CSMD1: variants seen among roughly 807,000 people sequenced by gnomAD.
The protein encoded by CSMD1 is CUB and Sushi multiple domains 1.
A neutral mutation model predicts 417.5 loss-of-function variants in CSMD1; 213 were observed. That is an observed-to-expected ratio of 0.51 (90% CI 0.46 to 0.57). The LOEUF is 0.57. CSMD1 is among the 20% of genes least tolerant of loss of function. The probability of loss-of-function intolerance (pLI) is 0.00; values close to 1 mark genes in which losing one functional copy is unlikely to be tolerated. For missense variants in CSMD1, 6,923 were observed against 4,529.7 expected, an observed-to-expected ratio of 1.53 and a Z score of -15.17; for synonymous variants, 2,862 against 1,736.8, an observed-to-expected ratio of 1.65 and a Z score of -16.11.
chr8:4,067,847 G>C (rs7017832), intron 3 of CSMD1, among the ~76,000 whole-genome samples: 35,089 of 152,066 alleles, frequency 0.23, 4,626 homozygotes, highest in South Asian at 0.29. Flanking sequence ...GGGAGGCCGA[G>C]GTGGGCGGAT....
chr8:4,930,865 G>C (rs1807201225), intron 1 of CSMD1, among the ~76,000 whole-genome samples: 1 of 152,114 alleles, frequency 6.6e-6, no homozygotes, highest in Non-Finnish European at 1.5e-5. Flanking sequence ...TCTTAATAAA[G>C]GGTTCCCAGA....
chr8:4,443,079 T>C (rs933722987), intron 2 of CSMD1, among the ~76,000 whole-genome samples: 3 of 152,204 alleles, frequency 2.0e-5, no homozygotes, highest in Non-Finnish European at 4.4e-5. Context: ...TCAGAGGTGG[T>C]ATCTGCCTTT....
At chr8:4,446,897 A>G (rs1335357936) in intron 2 of CSMD1, among the ~76,000 whole-genome samples, 1 of 151,634 alleles carries the variant, frequency 6.6e-6, no homozygotes, top group African/African-American at 2.4e-5. Context: ...CTGGGATTAC[A>G]GGCGTGAGCC....
intron 3 of CSMD1, among the ~76,000 whole-genome samples, chr8:4,353,760 C>A (rs997538204): frequency 2.6e-5 from 4 of 151,946 alleles, no homozygotes; most frequent in African/African-American, 9.7e-5. Context: ...TTTTTTTGCC[C>A]TTCACACATT....
chr8:3,791,635 T>A (rs1799746562), intron 5 of CSMD1, among the ~76,000 whole-genome samples: 1 of 152,100 alleles, frequency 6.6e-6, no homozygotes, highest in Non-Finnish European at 1.5e-5. Flanking sequence ...ACCAGCCTGG[T>A]CAGCATGGCA....
At chr8:3,647,257 G>T (rs564943152) in intron 7 of CSMD1, among the ~76,000 whole-genome samples, 1 of 152,216 alleles carries the variant, frequency 6.6e-6, no homozygotes. Context: ...TAACAACTCA[G>T]ATAAAAGGAG....
intron 26 of CSMD1, among the ~76,000 whole-genome samples, chr8:3,248,534 T>TTG (rs1800039448): frequency 7.2e-6 from 1 of 138,630 alleles, no homozygotes; most frequent in South Asian, 2.5e-4. Flanking sequence ...TTTTTTTTTT[T>TTG]TTTTTTTTTT....
rs536736438 is a variant in CSMD1, at chr8:3,326,649, C to T, written c.3631+16645G>A. On this transcript the variant is annotated intron_variant, in intron 23 of 69. Transcript: ENST00000635120. ...ATTCCCAGAGATGGGGATGTCTTCC[C>T]TCCTTGTAAAATGCCCACCTTGTTT... Among the ~76,000 whole-genome samples, 6 of 152,286 alleles carry T rather than the reference C, an allele frequency of 3.9e-5. No individual in the cohort carries two copies. In the East Asian group the frequency reaches 7.7e-4, roughly 20 times the overall value.
intron 3 of CSMD1, among the ~76,000 whole-genome samples, chr8:4,356,761 G>C (rs1801455459): frequency 2.0e-5 from 3 of 152,100 alleles, no homozygotes; most frequent in South Asian, 4.1e-4. Flanking sequence ...TGAATGACTG[G>C]AACCGAGTTC....
At chr8:3,980,935 C>A (rs1813814878) in intron 5 of CSMD1, among the ~76,000 whole-genome samples, 1 of 152,136 alleles carries the variant, frequency 6.6e-6, no homozygotes, top group African/African-American at 2.4e-5. Context: ...TCCCGCCGTT[C>A]CCAGTGGTTT....
intron 5 of CSMD1, among the ~76,000 whole-genome samples, chr8:3,996,903 A>C (rs1158608216): frequency 2.0e-5 from 3 of 152,210 alleles, no homozygotes; most frequent in Non-Finnish European, 4.4e-5. Flanking sequence ...ACAGGTGCTC[A>C]TATTTACAAT....
At chr8:3,439,309 A>ATATATATATATATATATATATATTTTT in intron 12 of CSMD1, among the ~76,000 whole-genome samples, 6 of 62,456 alleles carry the variant, frequency 9.6e-5, no homozygotes, top group African/African-American at 1.3e-4. Flanking sequence ...ATATATATAT[A>ATATATATATATATATATATATATTTTT]TTTTTTTTTT....
chr8:4,317,285 G>A (rs1341067398), intron 3 of CSMD1, among the ~76,000 whole-genome samples: 1 of 152,184 alleles, frequency 6.6e-6, no homozygotes, highest in East Asian at 1.9e-4. Flanking sequence ...AAAGCTGAAA[G>A]CACTGGTGTG....
At chr8:4,087,760 T>C (rs1238826334) in intron 3 of CSMD1, among the ~76,000 whole-genome samples, 1 of 152,180 alleles carries the variant, frequency 6.6e-6, no homozygotes, top group Admixed American at 6.5e-5. Context: ...CTCTTAATCT[T>C]CTTTCTATAT....
chr8:3,279,806 A>T (rs1802592783), intron 26 of CSMD1, among the ~76,000 whole-genome samples: 1 of 152,066 alleles, frequency 6.6e-6, no homozygotes, highest in East Asian at 1.9e-4. Flanking sequence ...ACCCTTATAA[A>T]ACCAACAGAT....
intron 41 of CSMD1, among the ~76,000 whole-genome samples, chr8:3,138,837 C>A (rs751210182): frequency 1.2e-4 from 19 of 152,058 alleles, no homozygotes; most frequent in African/African-American, 4.6e-4. Flanking sequence ...AGATGTTGAA[C>A]GATTTCCTGA....
chr8:3,108,726 G>T lies in CSMD1; in HGVS notation c.6631C>A (p.Pro2211Thr), dbSNP rs776727361. 3 of 1,613,444 alleles carry T rather than the reference G, an allele frequency of 1.9e-6. No individual in the cohort carries two copies. In the Admixed American group the frequency reaches 5.0e-5, roughly 27 times the overall value. ...TTGCCACTGAAAACTCCCAGCTGGG[G>T]TGAGTTCTGATCGGGACCGTCCCTA... is the stretch of plus-strand genomic sequence containing the variant. ...AVWDGPDQNSPQLGVFSGNTA... is the reference protein window; with the variant it reads ...AVWDGPDQNSTQLGVFSGNTA... The change falls in exon 44 of 70, where the codon CCC becomes ACC. Residue 2211 changes from proline to threonine, a missense_variant. Coordinates refer to ENST00000635120, the MANE Select transcript of CSMD1 (RefSeq NM_033225.6).
chr8:3,877,018 G>C (rs1388980414), intron 5 of CSMD1, among the ~76,000 whole-genome samples: 1 of 152,192 alleles, frequency 6.6e-6, no homozygotes, highest in Non-Finnish European at 1.5e-5. Flanking sequence ...TATGAAATGT[G>C]AGCATTTTCA....
intron 50 of CSMD1, among the ~76,000 whole-genome samples, chr8:3,044,899 T>A (rs1811334772): frequency 6.6e-6 from 1 of 152,198 alleles, no homozygotes; most frequent in African/African-American, 2.4e-5. Context: ...TACAAAGGAA[T>A]GAGCCCTGGG....
Sources: gnomAD v4.1 joint callset for allele counts (sites outside exome capture counted in the v4.1 genomes callset) on GRCh38, gnomAD v4.1.1 for gene constraint, MANE v1.5 for transcripts, NCBI Gene and HGNC (gene_info 2026-07-23, HGNC 2026-07-21) for gene names.